Variants in CRPPA observed in about 807,000 individuals in gnomAD.
CRPPA encodes the protein D-ribitol-5-phosphate cytidylyltransferase.
CRPPA carries 43 observed loss-of-function variants against 52.0 expected under a neutral mutation model. The ratio of observed to expected loss-of-function variants is 0.83; its 90% CI spans 0.65 to 1.07. The LOEUF (loss-of-function observed/expected upper bound fraction) is 1.07. Among genes scored for constraint, CRPPA ranks in the 50% least tolerant of loss-of-function variants. The pLI, the probability that CRPPA is intolerant of heterozygous loss-of-function variation, is 0.00. For synonymous variants in CRPPA, 250 were observed against 203.5 expected (o/e 1.23, Z -1.94); for missense variants, 629 against 551.7 (o/e 1.14, Z -1.40).
At chr7:16,302,233 T>C (rs1012764989) in intron 4 of CRPPA, among the ~76,000 whole-genome samples, 1 of 140,044 alleles carries the variant, frequency 7.1e-6, no homozygotes, top group Non-Finnish European at 1.5e-5. Context: ...GAGGCGGAGC[T>C]TGCAGTGTGC....
intron 9 of CRPPA, among the ~76,000 whole-genome samples, chr7:16,092,265 A>C (rs1413409030): frequency 1.3e-5 from 2 of 152,202 alleles, no homozygotes; most frequent in Non-Finnish European, 2.9e-5. Flanking sequence ...GAAATGAGTT[A>C]TTTTACAAGT....
chr7:16,336,977 C>T (rs1265617854), intron 3 of CRPPA, among the ~76,000 whole-genome samples: 2 of 152,068 alleles, frequency 1.3e-5, no homozygotes, highest in Admixed American at 6.5e-5. Context: ...CACCTAAATA[C>T]ATACAGCAAT....
At chr7:16,265,532 A>G (rs1783930748) in intron 6 of CRPPA, among the ~76,000 whole-genome samples, 1 of 152,168 alleles carries the variant, frequency 6.6e-6, no homozygotes, top group Admixed American at 6.5e-5. Context: ...CTGTTCTAGG[A>G]AGTCTGAAGT....
chr7:16,189,189 G>A (rs1315971051), intron 9 of CRPPA, among the ~76,000 whole-genome samples: 1 of 152,026 alleles, frequency 6.6e-6, no homozygotes, highest in Non-Finnish European at 1.5e-5. Flanking sequence ...CAGCAAGAGT[G>A]TGACTCAGGC....
intron 3 of CRPPA, among the ~76,000 whole-genome samples, chr7:16,343,388 T>C (rs748994159): frequency 5.3e-4 from 80 of 152,092 alleles, no homozygotes; most frequent in Non-Finnish European, 1.0e-3. Context: ...AAAACTGGCA[T>C]TGTACAATTA....
At chr7:16,152,704 G>C (rs899999594) in intron 9 of CRPPA, among the ~76,000 whole-genome samples, 3 of 151,838 alleles carry the variant, frequency 2.0e-5, no homozygotes, top group African/African-American at 7.2e-5. Flanking sequence ...TGAAAGGCAG[G>C]GTCTTGGTTT....
At chr7:16,143,480 C>T (rs1035512216) in intron 9 of CRPPA, among the ~76,000 whole-genome samples, 2 of 152,138 alleles carry the variant, frequency 1.3e-5, no homozygotes, top group Non-Finnish European at 2.9e-5. Flanking sequence ...TTTATGATCA[C>T]CTGGAATGAG....
chr7:16,231,058 A>G (rs936601522), intron 8 of CRPPA, among the ~76,000 whole-genome samples: 5 of 152,074 alleles, frequency 3.3e-5, no homozygotes, highest in Non-Finnish European at 7.4e-5. Flanking sequence ...AGCTGTGGGG[A>G]TCACCCTGGT....
At position 16,278,144 on chromosome 7, in the gene CRPPA, C is replaced by T; in HGVS notation, c.918G>A (p.Leu306=). The T allele has an allele frequency of 1.3e-6, 2 of 1,545,926 alleles. No homozygotes were observed. The highest frequency in any genetic ancestry group is 1.8e-6 in the Non-Finnish European group (2 of 1,126,386). ...KHVGHLLEEV[L]KSELNHVKVT... is the part of the protein sequence containing the mutation. ...GAATACTTACATTTAATTCACTTTT[C>T]AGCACTTCTTCAAGAAGATGACCTA... Residue 306 remains leucine (L), a synonymous_variant, in exon 6 of 10, where the codon CTG becomes CTA. Transcript: ENST00000407010.
At chr7:16,351,470 G>A (rs957867421) in intron 3 of CRPPA, among the ~76,000 whole-genome samples, 1 of 152,078 alleles carries the variant, frequency 6.6e-6, no homozygotes, top group African/African-American at 2.4e-5. Context: ...AGAGTGAACA[G>A]GCAACCTACA....
chr7:16,289,820 A>C (rs1784523006), intron 5 of CRPPA, among the ~76,000 whole-genome samples: 1 of 152,152 alleles, frequency 6.6e-6, no homozygotes, highest in African/African-American at 2.4e-5. Context: ...TGGAAGTCCT[A>C]GCCAGAACAA....
At chr7:16,405,851 T>C (rs1787939180) in intron 2 of CRPPA, among the ~76,000 whole-genome samples, 1 of 152,220 alleles carries the variant, frequency 6.6e-6, no homozygotes, top group Admixed American at 6.5e-5. Flanking sequence ...AAATACCTCA[T>C]ATCACATTAT....
At chr7:16,199,858 T>TC (rs1277133895) in intron 9 of CRPPA, among the ~76,000 whole-genome samples, 4 of 149,014 alleles carry the variant, frequency 2.7e-5, no homozygotes, top group Admixed American at 6.7e-5. Flanking sequence ...CTTTTTCTTT[T>TC]TTTTTTTTTT....
intron 2 of CRPPA, among the ~76,000 whole-genome samples, chr7:16,398,459 C>T (rs1249328820): frequency 2.6e-5 from 4 of 151,976 alleles, no homozygotes; most frequent in Non-Finnish European, 4.4e-5. Flanking sequence ...ACGTGACTCA[C>T]GTGTGCGATT....
At chr7:16,131,960 G>A (rs549952764) in intron 9 of CRPPA, among the ~76,000 whole-genome samples, 4 of 152,300 alleles carry the variant, frequency 2.6e-5, no homozygotes, top group African/African-American at 9.6e-5. Flanking sequence ...ACCGAAGCCA[G>A]TAGGGCAAAG....
chr7:16,281,450 C>A (rs1784319057), intron 5 of CRPPA, among the ~76,000 whole-genome samples: 1 of 152,114 alleles, frequency 6.6e-6, no homozygotes, highest in African/African-American at 2.4e-5. Context: ...TATATACAAA[C>A]ATGCTGATGA....
At chr7:16,286,038 AATATAAATATATATATATATAT>A (rs1267105451) in intron 5 of CRPPA, among the ~76,000 whole-genome samples, 8 of 17,490 alleles carry the variant, frequency 4.6e-4, no homozygotes, top group African/African-American at 2.3e-3. Flanking sequence ...AAAAAAAAAA[AATATAAATATATATATATATAT>A]ATATATATAT....
chr7:16,269,879 C>T (rs1784051718), intron 6 of CRPPA: 1 of 152,168 alleles, frequency 6.6e-6, no homozygotes, highest in Admixed American at 6.5e-5. Flanking sequence ...GCTTTGCAAA[C>T]ATCATGTATC....
chr7:16,135,131 G>A (rs1052222585), intron 9 of CRPPA, among the ~76,000 whole-genome samples: 8 of 152,150 alleles, frequency 5.3e-5, no homozygotes, highest in African/African-American at 1.9e-4. Flanking sequence ...AACTTTTGAA[G>A]ATCATGTTTA....
Sources: allele counts gnomAD v4.1 joint callset (sites outside exome capture counted in the v4.1 genomes callset), GRCh38; gene constraint gnomAD v4.1.1; transcripts MANE v1.5; gene names NCBI Gene and HGNC (gene_info 2026-07-23, HGNC 2026-07-21).